ST6GALNAC3: variants seen among roughly 807,000 people sequenced by gnomAD.
ST6GALNAC3 encodes the protein ST6 N-acetylgalactosaminide alpha-2,6-sialyltransferase 3, also known as alpha-N-acetylgalactosaminide alpha-2,6-sialyltransferase 3.
ST6GALNAC3 carries 25 observed loss-of-function variants against 32.7 expected under a neutral mutation model. That is an observed-to-expected ratio of 0.76 (90% CI 0.56 to 1.07). The LOEUF is 1.07. Among genes scored for constraint, ST6GALNAC3 ranks in the 50% least tolerant of loss-of-function variants. The pLI, the probability that ST6GALNAC3 is intolerant of heterozygous loss-of-function variation, is 0.00. For synonymous variants in ST6GALNAC3, 129 were observed against 133.1 expected (o/e 0.97, Z 0.21); for missense variants, 355 against 382.4 (o/e 0.93, Z 0.60).
At chr1:76,134,014 T>C (rs1649779414) in intron 1 of ST6GALNAC3, among the ~76,000 whole-genome samples, 1 of 152,120 alleles carries the variant, frequency 6.6e-6, no homozygotes, top group Non-Finnish European at 1.5e-5. Context: ...CCAGGAGCCA[T>C]TGACACATGT....
At chr1:76,170,467 T>C (rs1652418204) in intron 1 of ST6GALNAC3, among the ~76,000 whole-genome samples, 2 of 152,226 alleles carry the variant, frequency 1.3e-5, no homozygotes, top group Admixed American at 6.5e-5. Context: ...TGTTGTTCTC[T>C]GCAAAAATGT....
chr1:76,590,011 A>G (rs1647023003), intron 3 of ST6GALNAC3, among the ~76,000 whole-genome samples: 1 of 152,050 alleles, frequency 6.6e-6, no homozygotes, highest in African/African-American at 2.4e-5. Context: ...CAAACTGGGG[A>G]TGCATCTTAA....
At chr1:76,309,866 A>C (rs965771583) in intron 1 of ST6GALNAC3, 2 of 439,694 alleles carry the variant, frequency 4.5e-6, no homozygotes, top group Non-Finnish European at 9.1e-6. Flanking sequence ...GTTCCCTTTG[A>C]TAGAACATGA....
chr1:76,286,439 T>A (rs1659784038), intron 1 of ST6GALNAC3, among the ~76,000 whole-genome samples: 1 of 152,204 alleles, frequency 6.6e-6, no homozygotes, highest in African/African-American at 2.4e-5. Context: ...CATAGAGATG[T>A]TTTAACACAG....
At chr1:76,403,879 ACC>A (rs1412631096) in intron 2 of ST6GALNAC3, among the ~76,000 whole-genome samples, 1 of 152,096 alleles carries the variant, frequency 6.6e-6, no homozygotes, top group African/African-American at 2.4e-5. Flanking sequence ...ATGAATTATT[ACC>A]ATAATTCACA....
At chr1:76,140,797 A>ATTTTTTTTTTTTTT (rs3042284) in intron 1 of ST6GALNAC3, among the ~76,000 whole-genome samples, 1 of 120,416 alleles carries the variant, frequency 8.3e-6, no homozygotes, top group Admixed American at 8.6e-5. Context: ...TAATTTTCTA[A>ATTTTTTTTTTTTTT]TTTTTTTTTT....
chr1:76,506,123 G>A (rs878894156), intron 3 of ST6GALNAC3, among the ~76,000 whole-genome samples: 6 of 152,118 alleles, frequency 3.9e-5, no homozygotes, highest in African/African-American at 1.2e-4. Flanking sequence ...ATAGTCAGTC[G>A]CTTGTTTACA....
Position 76,130,835 on chromosome 1 carries a change from G to A in ST6GALNAC3, c.18+55951G>A, listed in dbSNP as rs79605409. Among the ~76,000 whole-genome samples the A allele has an allele frequency of 7.2e-3, 1,104 of 152,312 alleles. 10 individuals are homozygous for A. The highest frequency in any genetic ancestry group is 0.026 in the African/African-American group (1,062 of 41,574). ...TCCAGAATCGCAGAGGTTGCACCCCGCTCAGAGGTGGTTTTCTGCTGCTAC... is the reference window on the plus strand; with the variant it reads ...TCCAGAATCGCAGAGGTTGCACCCCACTCAGAGGTGGTTTTCTGCTGCTAC... On this transcript the variant is annotated intron_variant, in intron 1 of 4. Coordinates refer to ENST00000328299, the MANE Select transcript of ST6GALNAC3 (RefSeq NM_152996.4).
chr1:76,111,020 T>C (rs1244115062), intron 1 of ST6GALNAC3, among the ~76,000 whole-genome samples: 1 of 152,212 alleles, frequency 6.6e-6, no homozygotes, highest in Non-Finnish European at 1.5e-5. Flanking sequence ...TCTGGAAAGA[T>C]GGCAGAAGAC....
intron 3 of ST6GALNAC3, among the ~76,000 whole-genome samples, chr1:76,479,229 G>T (rs747291911): frequency 2.4e-4 from 36 of 152,066 alleles, no homozygotes; most frequent in Admixed American, 5.2e-4. Context: ...TGGAAGGGAG[G>T]GTCATTGGAA....
At chr1:76,519,155 CT>C (rs1036803086) in intron 3 of ST6GALNAC3, among the ~76,000 whole-genome samples, 2 of 152,002 alleles carry the variant, frequency 1.3e-5, no homozygotes, top group Admixed American at 6.6e-5. Context: ...ACAGTGTCAT[CT>C]TTTTTTAGAT....
At chr1:76,103,904 CT>C (rs1647347568) in intron 1 of ST6GALNAC3, among the ~76,000 whole-genome samples, 1 of 152,186 alleles carries the variant, frequency 6.6e-6, no homozygotes, top group Non-Finnish European at 1.5e-5. Context: ...TCAGTCACAT[CT>C]TTTTCCATAT....
chr1:76,636,606 A>C (rs1438819841), downstream of ST6GALNAC3, among the ~76,000 whole-genome samples: 2 of 152,094 alleles, frequency 1.3e-5, no homozygotes, highest in African/African-American at 2.4e-5. Flanking sequence ...AGAGGACCTT[A>C]TATGCATTCT....
At chr1:76,458,024 C>T (rs368801867) in intron 3 of ST6GALNAC3, among the ~76,000 whole-genome samples, 1 of 145,048 alleles carries the variant, frequency 6.9e-6, no homozygotes, top group Non-Finnish European at 1.5e-5. Context: ...CAATGAACTC[C>T]AACAAATTTA....
At position 76,633,768 on chromosome 1, in the gene ST6GALNAC3, C is replaced by T. The variant is rs1415802722; in HGVS notation, c.*4962C>T. The T allele has an allele frequency of 6.6e-6, 1 of 152,084 alleles. No individual in the cohort carries two copies. Among genetic ancestry groups the T allele is most frequent in the African/African-American group, 2.4e-5 (1 of 41,416 alleles). The allele number at this position is 152,084 out of a possible 1,614,324, so 9.4% of individuals were successfully genotyped here. Reference sequence around the variant, plus strand: ...AGGTGAATGAAAGCCCCACATGTCCCGCAAGACTTAGTCTGCATAAAAGAT... The same window carrying T: ...AGGTGAATGAAAGCCCCACATGTCCTGCAAGACTTAGTCTGCATAAAAGAT... On this transcript the variant is annotated 3_prime_UTR_variant, in exon 5 of 5. Transcript: ENST00000328299.
At chr1:76,165,876 C>A (rs1652092205) in intron 1 of ST6GALNAC3, among the ~76,000 whole-genome samples, 1 of 151,302 alleles carries the variant, frequency 6.6e-6, no homozygotes, top group Non-Finnish European at 1.5e-5. Context: ...TTTTCTTGTA[C>A]ATTTGTTTGT....
intron 1 of ST6GALNAC3, among the ~76,000 whole-genome samples, chr1:76,217,636 A>C (rs1233370363): frequency 1.3e-5 from 2 of 152,166 alleles, no homozygotes; most frequent in Non-Finnish European, 2.9e-5. Context: ...TGAACACTGT[A>C]CCCAATGTGT....
At chr1:76,260,994 A>AC (rs1391253076) in intron 1 of ST6GALNAC3, among the ~76,000 whole-genome samples, 1 of 151,964 alleles carries the variant, frequency 6.6e-6, no homozygotes, top group Admixed American at 6.6e-5. Flanking sequence ...ACACACACAC[A>AC]CACACACACA....
At chr1:76,561,452 A>G (rs775981591) in intron 3 of ST6GALNAC3, among the ~76,000 whole-genome samples, 29 of 152,324 alleles carry the variant, frequency 1.9e-4, no homozygotes, top group Non-Finnish European at 4.3e-4. Context: ...TAATTTAAAA[A>G]TTTGTCTAAT....
Sources: gnomAD v4.1 joint callset for allele counts (sites outside exome capture counted in the v4.1 genomes callset) on GRCh38, gnomAD v4.1.1 for gene constraint, MANE v1.5 for transcripts, NCBI Gene and HGNC (gene_info 2026-07-23, HGNC 2026-07-21) for gene names.